USF3: variants seen among roughly 807,000 people sequenced by gnomAD.
USF3 encodes the protein upstream transcription factor family member 3.
Under a neutral mutation model 157.5 loss-of-function variants are expected in USF3, and 29 were observed. The observed-to-expected ratio is 0.18, with a 90% CI of 0.14 to 0.25. The LOEUF (loss-of-function observed/expected upper bound fraction) is 0.25. Ranked by LOEUF, USF3 falls within the 10% of genes least tolerant of loss-of-function variation. The pLI, the probability that USF3 is intolerant of heterozygous loss-of-function variation, is 1.00. For missense variants in USF3, 2,381 were observed against 2,667.6 expected (o/e 0.89, Z 2.37); for synonymous variants, 893 against 941.4 (o/e 0.95, Z 0.94).
chr3:113,655,512 T>C lies in USF3; in HGVS notation c.6170A>G (p.His2057Arg). The stretch of plus-strand genomic sequence containing the variant: ...AAAACCAAAATTTTGTGATAGTGTA[T>C]GCTGGTCAGGACCTGAATTATCATT... ...VPNDNSGPDQ[H>R]TLSQNFGFSF... The change falls in exon 7 of 7, where the codon CAT becomes CGT. Residue 2057 changes from histidine to arginine, a missense_variant. His to Arg is a conservative substitution (Grantham distance 29). Around this residue, in one of 6 missense-constraint regions of USF3, gnomAD observed 770 missense variants for 824.2 expected, o/e 0.93. Transcript: ENST00000316407. 6.2e-7 allele frequency: 1 copy of C among 1,614,168 alleles called. No individual in the cohort carries two copies. The highest frequency in any genetic ancestry group is 8.5e-7 in the Non-Finnish European group (1 of 1,180,008).
Position 113,656,678 on chromosome 3 carries a change from A to G in USF3, c.5004T>C (p.Tyr1668=). 1 of 1,614,162 alleles carries G rather than the reference A, an allele frequency of 6.2e-7. No homozygotes were observed. The highest frequency in any genetic ancestry group is 8.5e-7 in the Non-Finnish European group (1 of 1,180,014). The part of the protein sequence containing the change: ...HRPERNRVSS[Y]SAEALIGKTS... The stretch of plus-strand genomic sequence containing the variant: ...TCTTTCCAATGAGTGCCTCAGCAGA[A>G]TAACTTGAAACTCTATTTCTCTCTG... Residue 1668 remains tyrosine, a synonymous_variant, in exon 7 of 7, where the codon TAT becomes TAC. Transcript: ENST00000316407.
At position 113,655,996 on chromosome 3, in the gene USF3, G is replaced by A. The variant is rs1559704325; in HGVS notation, c.5686C>T (p.Pro1896Ser). The change falls in exon 7 of 7, where the codon CCT becomes TCT. Residue 1896 changes from proline to serine, a missense_variant. Physicochemically the swap from Pro to Ser is moderately conservative, Grantham distance 74. This residue lies in a region of USF3 where 770 missense variants were observed against 824.2 expected (regional missense o/e 0.93). Transcript: ENST00000316407. ...INTRNSTLNI[P>S]FSSSSSSGDI... ...CCTGAGGAAGAGGAACTTGAAAAAG[G>A]AATATTCAAGGTGCTGTTCCTGGTG... 3.7e-6 allele frequency: 6 copies of A among 1,614,176 alleles called. No homozygotes were observed. Among genetic ancestry groups the A allele is most frequent in the Non-Finnish European group, 5.1e-6 (6 of 1,180,012 alleles).
At chr3:113,669,603 T>C (rs886343981) in intron 5 of USF3, among the ~76,000 whole-genome samples, 1 of 152,120 alleles carries the variant, frequency 6.6e-6, no homozygotes, top group Non-Finnish European at 1.5e-5. Flanking sequence ...TCCTCATTAT[T>C]AGAGGGATAA....
chr3:113,656,129 G>C lies in USF3; in HGVS notation c.5553C>G (p.Ser1851=), dbSNP rs377118541. The change falls in exon 7 of 7, where the codon TCC becomes TCG. Residue 1851 remains serine (S), a synonymous_variant. Transcript: ENST00000316407. ...EHQRNTQCGP[S]SAIEYNCPPT... is the part of the protein sequence containing the mutation. ...GGGGACAATTATATTCAATTGCAGAGGATGGACCACACTGTGTATTCCTCT... is the reference window on the plus strand; with the variant it reads ...GGGGACAATTATATTCAATTGCAGACGATGGACCACACTGTGTATTCCTCT... 11 of 1,614,062 alleles carry C rather than the reference G, an allele frequency of 6.8e-6. No individual in the cohort carries two copies. The African/African-American group carries it at 1.2e-4, about 18-fold the overall frequency.
intron 1 of USF3, among the ~76,000 whole-genome samples, chr3:113,681,138 T>C (rs1707413559): frequency 6.6e-6 from 1 of 151,968 alleles, no homozygotes. Context: ...CCAGCACGCC[T>C]GGCTAATTTT....
chr3:113,660,022 T>C lies in USF3; in HGVS notation c.1660A>G (p.Ile554Val), dbSNP rs1947452532. 6.2e-7 allele frequency: 1 copy of C among 1,614,162 alleles called. No individual in the cohort carries two copies. The highest frequency in any genetic ancestry group is 8.5e-7 in the Non-Finnish European group (1 of 1,180,018). ...GGGGTGGTGCTAGGTGGCTGAAGAA[T>C]TATAACATTTTGATTAGTTGGAGCT... ...NSAPTNQNVI[I>V]LQPPSTTPCP... Residue 554 changes from isoleucine (I) to valine (V), a missense_variant, in exon 7 of 7, where the codon ATT (isoleucine) becomes GTT (valine). Around this residue, in one of 6 missense-constraint regions of USF3, gnomAD observed 1,435 missense variants for 1,550.9 expected, o/e 0.93. Coordinates refer to ENST00000316407, the MANE Select transcript of USF3 (RefSeq NM_001009899.4).
In USF3 at chr3:113,655,348, G is replaced by A; in HGVS notation, c.6334C>T (p.Pro2112Ser). Residue 2112 changes from proline to serine, a missense_variant, in exon 7 of 7, where the codon CCT (proline) becomes TCT (serine). Pro to Ser is a moderately conservative substitution (Grantham distance 74). Transcript: ENST00000316407. ...DPQNTLPSFY[P>S]PYSPAHPTLS... ...GTAGGATGAGCAGGAGAGTATGGAG[G>A]ATAGAAGGAGGGCAGAGTATTTTGC... 1.2e-6 allele frequency: 2 copies of A among 1,614,092 alleles called. No individual in the cohort carries two copies. The highest frequency in any genetic ancestry group is 1.7e-6 in the Non-Finnish European group (2 of 1,179,948).
At chr3:113,680,824 C>T (rs942784919) in intron 1 of USF3, among the ~76,000 whole-genome samples, 21 of 148,152 alleles carry the variant, frequency 1.4e-4, no homozygotes, top group African/African-American at 4.4e-4. Context: ...AGTTTTGTTT[C>T]GTCAATCTAT....
In USF3 at chr3:113,689,062, A is replaced by AAACAAAC. The variant is rs1209587700; in HGVS notation, c.-135+7307_-135+7308insGTTTGTT. 1.8e-3 allele frequency among the ~76,000 whole-genome samples: 106 copies of AAACAAAC among 60,082 alleles called. 1 individual carries two copies. The highest frequency in any genetic ancestry group is 2.9e-3 in the Non-Finnish European group (75 of 25,440). The allele number at this position is 60,082 out of a possible 152,430, so 39.4% of individuals were successfully genotyped here. On this transcript the variant is annotated intron_variant, in intron 1 of 6. Transcript: ENST00000316407. ...ACAAACAAACAAACAAACAAACAAA[A>AAACAAAC]ACCAGATGCTATCAAGCCCCCATGT... is the stretch of plus-strand genomic sequence containing the variant.
chr3:113,660,502 A>G lies in USF3; in HGVS notation c.1180T>C (p.Leu394=), dbSNP rs1412180661. The G allele has an allele frequency of 2.5e-6, 4 of 1,614,028 alleles. No individual in the cohort carries two copies. The highest frequency in any genetic ancestry group is 2.2e-5 in the South Asian group (2 of 91,092). The change falls in exon 7 of 7, where the codon TTG becomes CTG. Residue 394 remains leucine, a synonymous_variant. Coordinates refer to ENST00000316407, the MANE Select transcript of USF3 (RefSeq NM_001009899.4). The part of the protein sequence containing the change: ...IPISTLSGNP[L]DNGWTLSCSL... ...CAAGAAAGAGTCCAACCATTGTCCA[A>G]AGGGTTTCCCGAAAGAGTGCTTATA... is the stretch of plus-strand genomic sequence containing the variant.
rs1247559678 is a variant in USF3 at position 113,649,026 on chromosome 3, G to A, written c.*5918C>T. ...ATCAATAGTTCAACTCCCCTTAACT[G>A]TTACCACTATAGTCAAGCCCAGTAC... On this transcript the variant is annotated 3_prime_UTR_variant, in exon 7 of 7. Coordinates refer to ENST00000316407, the MANE Select transcript of USF3 (RefSeq NM_001009899.4). 1 of 152,418 alleles carries A rather than the reference G, an allele frequency of 6.6e-6. No individual in the cohort carries two copies. The highest frequency in any genetic ancestry group is 2.4e-5 in the African/African-American group (1 of 41,362). 9.4% of individuals were successfully genotyped at this position (152,418 alleles called of 1,614,324 possible).
intron 1 of USF3, among the ~76,000 whole-genome samples, chr3:113,682,308 G>A (rs892854473): frequency 4.0e-5 from 6 of 151,442 alleles, no homozygotes; most frequent in Non-Finnish European, 8.8e-5. Flanking sequence ...TTGGGAGACA[G>A]AGTGAGACCC....
intron 6 of USF3, among the ~76,000 whole-genome samples, chr3:113,661,747 T>C (rs1454566952): frequency 6.6e-6 from 1 of 152,222 alleles, no homozygotes; most frequent in Non-Finnish European, 1.5e-5. Context: ...CATACTGATA[T>C]CATGGCAACA....
At chr3:113,665,171 G>A (rs1947543821) in intron 5 of USF3, among the ~76,000 whole-genome samples, 1 of 152,194 alleles carries the variant, frequency 6.6e-6, no homozygotes, top group African/African-American at 2.4e-5. Flanking sequence ...TGGGAAAAGG[G>A]AGTCCAGACA....
rs562635552 is a variant in USF3 at position 113,680,687 on chromosome 3, C to A, written c.-134-3290G>T. ...ATTCACCGGGTGTGGTGGCACATGC[C>A]TGTAATTTAAGGCTGAGGCAGGAGA... On this transcript the variant is annotated intron_variant, in intron 1 of 6. Coordinates refer to ENST00000316407, the MANE Select transcript of USF3 (RefSeq NM_001009899.4). Among the ~76,000 whole-genome samples the A allele has an allele frequency of 5.0e-4, 76 of 151,418 alleles. 3 individuals carry two copies. The South Asian group carries it at 9.0e-3, about 18-fold the overall frequency.
intron 1 of USF3, among the ~76,000 whole-genome samples, chr3:113,679,007 G>GTGTCTC (rs1553700980): frequency 8.4e-6 from 1 of 119,168 alleles, no homozygotes; most frequent in Non-Finnish European, 1.9e-5. Context: ...GTCCAGGCTG[G>GTGTCTC]TGTCTCTCTC....
chr3:113,655,835 T>C lies in USF3; in HGVS notation c.5847A>G (p.Pro1949=), dbSNP rs745599735. The change falls in exon 7 of 7, where the codon CCA becomes CCG. Residue 1949 remains proline (P), a synonymous_variant. Coordinates refer to ENST00000316407, the MANE Select transcript of USF3 (RefSeq NM_001009899.4). ...VTTNMHGVAR[P]ALPHPSVSHG... ...GAGACACAGATGGATGTGGCAACGC[T>C]GGCCTTGCAACCCCATGCATGTTGG... is the stretch of plus-strand genomic sequence containing the variant. 3.7e-6 allele frequency: 6 copies of C among 1,614,208 alleles called. No individual in the cohort carries two copies. The South Asian group carries it at 6.6e-5, about 18-fold the overall frequency.
rs547810550 is a variant in USF3 at position 113,683,952 on chromosome 3, C to T, written c.-134-6555G>A. Among the ~76,000 whole-genome samples the T allele has an allele frequency of 6.6e-5, 10 of 152,334 alleles. No homozygotes were observed. The East Asian group carries it at 1.2e-3, about 18-fold the overall frequency. ...TTTGTCTATGTATTTACTGTTACCA[C>T]GTACCTTCAGACAATTTCTTATTAC... On this transcript the variant is annotated intron_variant, in intron 1 of 6. Coordinates refer to ENST00000316407, the MANE Select transcript of USF3 (RefSeq NM_001009899.4).
chr3:113,683,850 T>C (rs1336534493), intron 1 of USF3, among the ~76,000 whole-genome samples: 2 of 152,254 alleles, frequency 1.3e-5, no homozygotes, highest in African/African-American at 4.8e-5. Flanking sequence ...TTATTTTTGA[T>C]AGATTTGTCT....
Sources: allele counts gnomAD v4.1 joint callset (sites outside exome capture counted in the v4.1 genomes callset), GRCh38; gene constraint gnomAD v4.1.1; regional missense constraint gnomAD v4.1.1; transcripts MANE v1.5; gene names NCBI Gene and HGNC (gene_info 2026-07-23, HGNC 2026-07-21).